The following SEPSECS variants were observed in gnomAD, a reference collection of about 807,000 sequenced individuals.
SEPSECS encodes O-phosphoseryl-tRNA(Sec) selenium transferase.
Under a neutral mutation model 52.1 loss-of-function variants are expected in SEPSECS, and 42 were observed. The observed-to-expected ratio is 0.81, with a 90% confidence interval of 0.63 to 1.04. The LOEUF (loss-of-function observed/expected upper bound fraction) is 1.04. Among genes scored for constraint, SEPSECS ranks in the 50% least tolerant of loss-of-function variants. The pLI, the probability that SEPSECS is intolerant of heterozygous loss-of-function variation, is 0.00. For missense variants in SEPSECS, 590 were observed against 610.6 expected (o/e 0.97, Z 0.36); for synonymous variants, 216 against 211.4 (o/e 1.02, Z -0.19).
chr4:25,149,180 C>A (rs1207819473), intron 6 of SEPSECS, among the ~76,000 whole-genome samples: 1 of 152,086 alleles, frequency 6.6e-6, no homozygotes, highest in African/African-American at 2.4e-5. Context: ...GCCTCAGCCT[C>A]CTGAGTAGCT....
At chr4:25,150,143 A>C (rs1712211805) in intron 6 of SEPSECS, among the ~76,000 whole-genome samples, 1 of 152,244 alleles carries the variant, frequency 6.6e-6, no homozygotes, top group Non-Finnish European at 1.5e-5. Flanking sequence ...ACTAAAAATA[A>C]TATAAAAGAC....
In SEPSECS at chr4:25,160,365, T is replaced by A. The variant is rs778544110; in HGVS notation, c.5A>T (p.Asn2Ile). 6.5e-7 allele frequency: 1 copy of A among 1,546,816 alleles called. No individual in the cohort carries two copies. The highest frequency in any genetic ancestry group is 1.2e-5 in the South Asian group (1 of 83,994). Residue 2 changes from asparagine to isoleucine, a missense_variant, in exon 1 of 11, where the codon AAC becomes ATC. Transcript: ENST00000382103. The part of the protein sequence containing the change: M[N>I]RESFAAGERL... The stretch of plus-strand genomic sequence containing the variant: ...CTCTCCCGCCGCGAAGCTCTCGCGG[T>A]TCATGACAGCGGTGGCGACAGTGGC...
chr4:25,124,169 A>T lies in SEPSECS; in HGVS notation c.1268T>A (p.Met423Lys). The T allele has an allele frequency of 6.2e-7, 1 of 1,613,728 alleles. No individual in the cohort carries two copies. Among genetic ancestry groups the T allele is most frequent in the Non-Finnish European group, 8.5e-7 (1 of 1,179,746 alleles). ...ACAAGGGTAATTATTTGTATGTGAC[A>T]TAAAGCCTCTGAAAGTATAGCCACT... ...TVSGYTFRGF[M>K]SHTNNYPCAY... The change falls in exon 11 of 11, where the codon ATG becomes AAG. Residue 423 changes from methionine to lysine, a missense_variant. Coordinates refer to ENST00000382103, the MANE Select transcript of SEPSECS (RefSeq NM_016955.4).
At chr4:25,155,980 G>T (rs981987894) in intron 4 of SEPSECS, 57 bp downstream of exon 4, 8 of 1,481,270 alleles carry the variant, frequency 5.4e-6, no homozygotes, top group Non-Finnish European at 5.6e-6. Context: ...CTTTATATAA[G>T]AAATCTGAAT....
rs1712711426 is a variant in SEPSECS at position 25,157,095 on chromosome 4, T to C, written c.270-121A>G. ...AGGAGCAATATTTGGCTGTTACAGA[T>C]ATATGTCACAAACTATTAATGATGT... On this transcript the variant is annotated intron_variant, in intron 2 of 10. Transcript: ENST00000382103. The C allele has an allele frequency of 8.2e-6, 6 of 729,638 alleles. No homozygotes were observed. In the South Asian group the frequency reaches 8.5e-5, roughly 10 times the overall value. The allele number at this position is 729,638 out of a possible 1,614,324, so 45.2% of individuals were successfully genotyped here.
intron 8 of SEPSECS, among the ~76,000 whole-genome samples, chr4:25,143,435 A>G (rs1426709884): frequency 1.3e-5 from 2 of 152,182 alleles, no homozygotes; most frequent in African/African-American, 4.8e-5. Flanking sequence ...GAAACTGTAC[A>G]ATATGTAGCC....
rs552593582 is a variant in SEPSECS at position 25,123,939 on chromosome 4, A to C, written c.1498T>G (p.Ser500Ala). 1.2e-6 allele frequency: 2 copies of C among 1,613,078 alleles called. No homozygotes were observed. Among genetic ancestry groups the C allele is most frequent in the Admixed American group, 1.7e-5 (1 of 59,998 alleles). ...AAGAAACCCTTCGCATGTCATGAAG[A>C]AGCATCCTGGTATGTGTCAAGAAGT... is the stretch of plus-strand genomic sequence containing the variant. ...NVLLDTYQDA[S>A]S Residue 500 changes from serine (S) to alanine (A), a missense_variant, in exon 11 of 11, where the codon TCT becomes GCT. Coordinates refer to ENST00000382103, the MANE Select transcript of SEPSECS (RefSeq NM_016955.4).
chr4:25,150,576 G>A (rs1411196332), intron 6 of SEPSECS, among the ~76,000 whole-genome samples: 8 of 150,990 alleles, frequency 5.3e-5, no homozygotes, highest in African/African-American at 9.8e-5. Flanking sequence ...ATGTCACTAC[G>A]TAAAAAAAAA....
At chr4:25,128,661 C>T (rs16876882) in intron 8 of SEPSECS, among the ~76,000 whole-genome samples, 13,587 of 152,102 alleles carry the variant, frequency 0.089, 668 homozygotes, top group Middle Eastern at 0.15. Context: ...CCTCACAAGA[C>T]CTTTAAAAAG....
At chr4:25,149,768 T>G (rs1054604353) in intron 6 of SEPSECS, among the ~76,000 whole-genome samples, 2 of 152,172 alleles carry the variant, frequency 1.3e-5, no homozygotes, top group Non-Finnish European at 2.9e-5. Context: ...TTTCAAGATT[T>G]CCAGTGTAGA....
intron 2 of SEPSECS, among the ~76,000 whole-genome samples, chr4:25,157,484 AG>A (rs1190429605): frequency 1.3e-5 from 2 of 151,868 alleles, no homozygotes; most frequent in Admixed American, 1.3e-4. Context: ...ACTTAATTTT[AG>A]GGTGGTTTGT....
intron 8 of SEPSECS, among the ~76,000 whole-genome samples, chr4:25,132,160 T>A (rs187086915): frequency 6.6e-6 from 1 of 152,218 alleles, no homozygotes; most frequent in Non-Finnish European, 1.5e-5. Context: ...TCAAGCTGAG[T>A]TCTTGTCTGC....
At chr4:25,133,252 A>G (rs1170119353) in intron 8 of SEPSECS, among the ~76,000 whole-genome samples, 2 of 152,206 alleles carry the variant, frequency 1.3e-5, no homozygotes, top group African/African-American at 4.8e-5. Context: ...ACTCTACTCT[A>G]TATATCTAGA....
intron 5 of SEPSECS, among the ~76,000 whole-genome samples, chr4:25,154,367 C>CA (rs1712488290): frequency 1.3e-5 from 2 of 151,692 alleles, no homozygotes; most frequent in South Asian, 2.1e-4. Flanking sequence ...TAAAATGAAA[C>CA]AAAAAAAATT....
At chr4:25,127,158 T>G (rs2109485044) in intron 9 of SEPSECS, 106 bp downstream of exon 9, 1 of 720,764 alleles carries the variant, frequency 1.4e-6, no homozygotes. Context: ...GATGAATTTA[T>G]AAATATCATT....
intron 8 of SEPSECS, among the ~76,000 whole-genome samples, chr4:25,137,503 A>C (rs1398721150): frequency 1.3e-5 from 2 of 152,350 alleles, no homozygotes; most frequent in East Asian, 3.9e-4. Context: ...ATGCAAATCA[A>C]AACCACAATG....
Position 25,123,033 on chromosome 4 carries a change from A to G in SEPSECS, c.*898T>C, listed in dbSNP as rs1728194073. ...GTGGAATAATGTTTTCCCTTATCCA[A>G]AAGGAAAAATGCACCAGTGAGCACC... On this transcript the variant is annotated 3_prime_UTR_variant, in exon 11 of 11. Coordinates refer to ENST00000382103, the MANE Select transcript of SEPSECS (RefSeq NM_016955.4). The G allele has an allele frequency of 6.6e-6, 1 of 152,160 alleles. No homozygotes were observed. Among genetic ancestry groups the G allele is most frequent in the Admixed American group, 6.5e-5 (1 of 15,270 alleles). The allele number at this position is 152,160 out of a possible 1,614,324, so 9.4% of individuals were successfully genotyped here. A position where few individuals can be genotyped will look rare whatever the true frequency, so the allele number is the denominator to read the frequency against.
chr4:25,129,386 G>A (rs1235355509), intron 8 of SEPSECS, among the ~76,000 whole-genome samples: 2 of 151,912 alleles, frequency 1.3e-5, no homozygotes, highest in African/African-American at 4.8e-5. Context: ...ATTTTTGGGA[G>A]GCTGAGGCAG....
chr4:25,142,035 G>A (rs1361985360), intron 8 of SEPSECS, among the ~76,000 whole-genome samples: 1 of 152,234 alleles, frequency 6.6e-6, no homozygotes, highest in Non-Finnish European at 1.5e-5. Flanking sequence ...CCAACACCCT[G>A]GGAGGCCAAG....
Sources: gnomAD v4.1 joint callset for allele counts (sites outside exome capture counted in the v4.1 genomes callset) on GRCh38, gnomAD v4.1.1 for gene constraint, MANE v1.5 for transcripts, NCBI Gene and HGNC (gene_info 2026-07-23, HGNC 2026-07-21) for gene names.